ABCA13: variants seen among roughly 807,000 people sequenced by gnomAD.
ABCA13 encodes ATP binding cassette subfamily A member 13.
Under a neutral mutation model 478.7 loss-of-function variants are expected in ABCA13, and 476 were observed. The ratio of observed to expected loss-of-function variants is 0.99; its 90% CI spans 0.92 to 1.07. ABCA13 has a LOEUF of 1.07. Among genes scored for constraint, ABCA13 ranks in the 50% least tolerant of loss-of-function variants. ABCA13 has a pLI of 0.00. For synonymous variants in ABCA13, 2,252 were observed against 2,158.9 expected (o/e 1.04, Z -1.20); for missense variants, 6,060 against 5,910.6 (o/e 1.03, Z -0.83).
rs77558291 is a variant in ABCA13, at chr7:48,628,052, C to T, written c.14837+12675C>T. 5.0e-4 allele frequency among the ~76,000 whole-genome samples: 76 copies of T among 152,268 alleles called. No individual in the cohort carries two copies. The East Asian group carries it at 0.011, about 22-fold the overall frequency. On this transcript the variant is annotated intron_variant, in intron 59 of 61. Transcript: ENST00000435803. ...CTGATACCTGAACTTCGGGGGGACACGCTCAAACCGTAGCACCACTTGAGC... is the reference window on the plus strand; with the variant it reads ...CTGATACCTGAACTTCGGGGGGACATGCTCAAACCGTAGCACCACTTGAGC...
chr7:48,222,051 CA>C (rs946136893), intron 5 of ABCA13, among the ~76,000 whole-genome samples: 8 of 151,526 alleles, frequency 5.3e-5, no homozygotes, highest in Non-Finnish European at 8.8e-5. Flanking sequence ...TTAGACAGCT[CA>C]AAAAAAATAT....
chr7:48,414,858 C>T (rs902005414), intron 41 of ABCA13, among the ~76,000 whole-genome samples: 2 of 152,132 alleles, frequency 1.3e-5, no homozygotes, highest in Non-Finnish European at 2.9e-5. Context: ...TGGAACAAGT[C>T]TGTCAAAAAT....
At chr7:48,254,207 C>T (rs1358313058) in intron 15 of ABCA13, among the ~76,000 whole-genome samples, 1 of 151,952 alleles carries the variant, frequency 6.6e-6, no homozygotes, top group Non-Finnish European at 1.5e-5. Context: ...TTCTGGGTGT[C>T]AGTATCTATT....
chr7:48,525,732 T>C (rs1304996048), intron 54 of ABCA13, among the ~76,000 whole-genome samples: 1 of 151,570 alleles, frequency 6.6e-6, no homozygotes, highest in African/African-American at 2.4e-5. Context: ...TTATTTTTAT[T>C]GTTAAAAATT....
intron 45 of ABCA13, among the ~76,000 whole-genome samples, chr7:48,472,356 A>G (rs974817769): frequency 2.0e-5 from 3 of 152,188 alleles, no homozygotes; most frequent in African/African-American, 7.2e-5. Flanking sequence ...ATAGTTGTCA[A>G]CCTAAGGGAA....
At chr7:48,210,308 G>T (rs921352984) in intron 3 of ABCA13, among the ~76,000 whole-genome samples, 1 of 152,060 alleles carries the variant, frequency 6.6e-6, no homozygotes, top group Admixed American at 6.6e-5. Flanking sequence ...TGGGGGAACT[G>T]CCCCCATGAT....
At chr7:48,637,798 G>A (rs1239111980) in intron 59 of ABCA13, among the ~76,000 whole-genome samples, 1 of 152,150 alleles carries the variant, frequency 6.6e-6, no homozygotes, top group Admixed American at 6.5e-5. Flanking sequence ...CAATAGATAT[G>A]CATTTTGCTG....
intron 48 of ABCA13, among the ~76,000 whole-genome samples, chr7:48,489,831 A>G (rs1160022328): frequency 1.3e-5 from 2 of 152,176 alleles, no homozygotes; most frequent in Non-Finnish European, 2.9e-5. Flanking sequence ...GGTAAATGGC[A>G]CAGGTCCATT....
At chr7:48,324,202 G>A (rs1227022077) in intron 27 of ABCA13, among the ~76,000 whole-genome samples, 1 of 152,132 alleles carries the variant, frequency 6.6e-6, no homozygotes, top group Admixed American at 6.5e-5. Flanking sequence ...CATGATCAAG[G>A]TAATGGCAGG....
intron 23 of ABCA13, among the ~76,000 whole-genome samples, chr7:48,307,212 G>A (rs1481769899): frequency 1.3e-5 from 2 of 152,140 alleles, no homozygotes; most frequent in African/African-American, 2.4e-5. Flanking sequence ...GAACATTATA[G>A]TGTATACTTA....
Position 48,647,457 on chromosome 7 carries a change from A to C in ABCA13, c.*1945A>C, listed in dbSNP as rs1238445151. The C allele has an allele frequency of 6.6e-6, 1 of 152,218 alleles. No homozygotes were observed. The highest frequency in any genetic ancestry group is 1.5e-5 in the Non-Finnish European group (1 of 68,036). The allele number at this position is 152,218 out of a possible 1,614,324, so 9.4% of individuals were successfully genotyped here. On this transcript the variant is annotated 3_prime_UTR_variant, in exon 62 of 62. Transcript: ENST00000435803. ...AATTTGTGAAACATGAATGTGTTTA[A>C]ACTGCAGTGAATAAATGAGATGTGC...
chr7:48,599,613 C>A (rs1298918757), intron 58 of ABCA13, among the ~76,000 whole-genome samples: 1 of 152,090 alleles, frequency 6.6e-6, no homozygotes, highest in Non-Finnish European at 1.5e-5. Context: ...ACTAGAAATA[C>A]CATTTGACCA....
Position 48,273,210 on chromosome 7 carries a change from C to A in ABCA13, c.3544C>A (p.Leu1182Ile), listed in dbSNP as rs771109683. 1.2e-6 allele frequency: 2 copies of A among 1,613,526 alleles called. No homozygotes were observed. Among genetic ancestry groups the A allele is most frequent in the East Asian group, 2.2e-5 (1 of 44,864 alleles). The part of the protein sequence containing the change: ...FTSLHHGFTQ[L>I]LDELEDDVKV... Reference sequence around the variant, plus strand: ...ATCTCTTCATCATGGTTTCACTCAGCTTTTGGATGAATTGGAAGATGATGT... The same window carrying A: ...ATCTCTTCATCATGGTTTCACTCAGATTTTGGATGAATTGGAAGATGATGT... The change falls in exon 17 of 62, where the codon CTT (leucine) becomes ATT (isoleucine). Residue 1182 changes from leucine (L) to isoleucine (I), a missense_variant. Leu to Ile is a conservative substitution (Grantham distance 5, BLOSUM62 2). This residue lies in a region of ABCA13 where 4,423 missense variants were observed against 4,309.1 expected (regional missense o/e 1.03). Transcript: ENST00000435803.
chr7:48,274,531 C>G lies in ABCA13; in HGVS notation c.4865C>G (p.Pro1622Arg). 2.5e-6 allele frequency: 4 copies of G among 1,613,774 alleles called. No homozygotes were observed. Among genetic ancestry groups the G allele is most frequent in the Non-Finnish European group, 3.4e-6 (4 of 1,179,826 alleles). The change falls in exon 17 of 62, where the codon CCT (proline) becomes CGT (arginine). Residue 1622 changes from proline to arginine, a missense_variant. This residue lies in a region of ABCA13 where 4,423 missense variants were observed against 4,309.1 expected (regional missense o/e 1.03). Transcript: ENST00000435803. ...LQNSPKIIIS[P>R]EIMKATGLGI... ...AATTCACCAAAAATAATAATTTCAC[C>G]TGAAATAATGAAAGCTACAGGTCTT...
intron 27 of ABCA13, among the ~76,000 whole-genome samples, chr7:48,326,156 T>C (rs1283888679): frequency 1.3e-5 from 2 of 152,268 alleles, no homozygotes; most frequent in East Asian, 3.9e-4. Context: ...TGTGGGGGAA[T>C]CCAGGAGCTT....
chr7:48,209,121 T>G (rs1219477447), intron 3 of ABCA13, among the ~76,000 whole-genome samples: 1 of 152,168 alleles, frequency 6.6e-6, no homozygotes, highest in Admixed American at 6.5e-5. Context: ...TTGCATATGT[T>G]AAATCACTCT....
chr7:48,384,380 G>A (rs1001935483), intron 35 of ABCA13, among the ~76,000 whole-genome samples: 3 of 152,220 alleles, frequency 2.0e-5, no homozygotes, highest in Admixed American at 2.0e-4. Context: ...CTGCACTTGC[G>A]TGTTCAGACA....
In ABCA13 at chr7:48,278,203, T is replaced by C. The variant is rs550782793; in HGVS notation, c.7009T>C (p.Tyr2337His). ...TTTTTCAAGTTTAAAGGAGACTATATATCACCTAATGAAAAGTTCATTTAT... is the reference window on the plus strand; with the variant it reads ...TTTTTCAAGTTTAAAGGAGACTATACATCACCTAATGAAAAGTTCATTTAT... Reference protein sequence around the residue: ...NIFSSLKETIYHLMKSSFILD... With the variant: ...NIFSSLKETIHHLMKSSFILD... Residue 2337 changes from tyrosine to histidine, a missense_variant, in exon 18 of 62, where the codon TAT (tyrosine) becomes CAT (histidine). Physicochemically the swap from Tyr to His is moderately conservative, Grantham distance 83. Coordinates refer to ENST00000435803, the MANE Select transcript of ABCA13 (RefSeq NM_152701.5). The C allele has an allele frequency of 1.9e-6, 3 of 1,599,642 alleles. No individual in the cohort carries two copies. The African/African-American group carries it at 4.0e-5, about 22-fold the overall frequency.
At chr7:48,418,622 C>T (rs1356656250) in intron 41 of ABCA13, among the ~76,000 whole-genome samples, 1 of 152,178 alleles carries the variant, frequency 6.6e-6, no homozygotes, top group Non-Finnish European at 1.5e-5. Context: ...TCCCTATCTT[C>T]CACACACAGT....
Sources: allele counts gnomAD v4.1 joint callset (sites outside exome capture counted in the v4.1 genomes callset), GRCh38; gene constraint gnomAD v4.1.1; regional missense constraint gnomAD v4.1.1; transcripts MANE v1.5; gene names NCBI Gene and HGNC (gene_info 2026-07-23, HGNC 2026-07-21).